Variants in ZNF254 observed in about 807,000 individuals in gnomAD.
The protein encoded by ZNF254 is zinc finger protein 254.
ZNF254 carries 10 observed loss-of-function variants against 12.4 expected under a neutral mutation model. The ratio of observed to expected loss-of-function variants is 0.80; its 90% CI spans 0.50 to 1.36. The LOEUF is 1.36. ZNF254 is among the 40% of genes most tolerant of loss of function. The pLI is 0.00. For missense variants in ZNF254, 996 were observed against 763.9 expected (o/e 1.30, Z -3.58); for synonymous variants, 305 against 253.4 (o/e 1.20, Z -1.93).
At chr19:24,102,883 T>C (rs1973116719) in intron 1 of ZNF254, among the ~76,000 whole-genome samples, 1 of 152,174 alleles carries the variant, frequency 6.6e-6, no homozygotes, top group Admixed American at 6.5e-5. Flanking sequence ...TTTTATTCCA[T>C]GCATTTTAAA....
intron 3 of ZNF254, among the ~76,000 whole-genome samples, chr19:24,113,802 AAATC>A (rs1341589081): frequency 6.6e-6 from 1 of 152,186 alleles, no homozygotes; most frequent in Non-Finnish European, 1.5e-5. Flanking sequence ...TCTCAACCCA[AAATC>A]TCCTTAAGCT....
intron 3 of ZNF254, among the ~76,000 whole-genome samples, chr19:24,110,411 C>G (rs2198983): frequency 1.3e-3 from 200 of 151,198 alleles, no homozygotes; most frequent in Non-Finnish European, 2.7e-3. Flanking sequence ...CATTTTTTTT[C>G]TAAGAAATAG....
intron 1 of ZNF254, among the ~76,000 whole-genome samples, chr19:24,096,059 CTTTT>C (rs200037759): frequency 9.0e-5 from 11 of 121,632 alleles, no homozygotes; most frequent in African/African-American, 3.3e-4. Flanking sequence ...TTTTTTAGTT[CTTTT>C]TTTTTTTTTT....
At chr19:24,067,867 C>T (rs1971334821) in intron 2 of ZNF254, among the ~76,000 whole-genome samples, 1 of 152,132 alleles carries the variant, frequency 6.6e-6, no homozygotes, top group African/African-American at 2.4e-5. Flanking sequence ...TAAGCCCTGG[C>T]CACAAGAGTA....
chr19:24,086,668 G>A (rs1440846133), upstream of ZNF254, among the ~76,000 whole-genome samples: 1 of 152,018 alleles, frequency 6.6e-6, no homozygotes, highest in East Asian at 1.9e-4. Context: ...GTAGAGATGA[G>A]GTTTCACCAT....
rs1230488772 is a variant in ZNF254 at position 24,128,502 on chromosome 19, A to C, written c.*522A>C. 6.6e-6 allele frequency: 1 copy of C among 152,186 alleles called. No homozygotes were observed. The highest frequency in any genetic ancestry group is 6.6e-5 in the Admixed American group (1 of 15,266). The allele number at this position is 152,186 out of a possible 1,614,324, so 9.4% of individuals were successfully genotyped here. On this transcript the variant is annotated 3_prime_UTR_variant, in exon 4 of 4. Coordinates refer to ENST00000357002, the MANE Select transcript of ZNF254 (RefSeq NM_203282.4). ...TATCTTTACTTGTACCACAGATCTT[A>C]TTGTACACATTTTATACTAGAGAAA...
At chr19:24,105,027 A>G (rs1973250989) in intron 1 of ZNF254, 1 of 152,250 alleles carries the variant, frequency 6.6e-6, no homozygotes, top group African/African-American at 2.4e-5. Context: ...ATGTTTTCTT[A>G]TGATTAAATT....
chr19:24,066,184 A>C (rs1971263315), intron 2 of ZNF254: 1 of 152,138 alleles, frequency 6.6e-6, no homozygotes, highest in East Asian at 1.9e-4. Context: ...CCCTGCCTAC[A>C]CAGAAAGTTG....
intron 1 of ZNF254, among the ~76,000 whole-genome samples, chr19:24,100,808 T>TA (rs1972977308): frequency 6.6e-6 from 1 of 151,250 alleles, no homozygotes; most frequent in Non-Finnish European, 1.5e-5. Flanking sequence ...ACTGTCTACT[T>TA]ATATTCATGT....
chr19:24,126,361 C>T lies in ZNF254; in HGVS notation c.361C>T (p.Gln121Ter), dbSNP rs908779809. ...TGGAAAATATGGACATGAGAATTTA[C>T]AGTTAAGAAAAGGCTGTAAAAGTGT... ...RYGKYGHENL[Q>*]LRKGCKSVDE... Residue 121 changes from glutamine to a stop codon, truncating the protein, a stop_gained, in exon 4 of 4, where the codon CAG becomes TAG. Transcript: ENST00000357002. LOFTEE classifies it low-confidence loss of function (END_TRUNC). 2 of 1,608,736 alleles carry T rather than the reference C, an allele frequency of 1.2e-6. No individual in the cohort carries two copies. Among genetic ancestry groups the T allele is most frequent in the Admixed American group, 1.7e-5 (1 of 59,232 alleles).
chr19:24,115,165 C>A (rs1274467935), intron 3 of ZNF254, among the ~76,000 whole-genome samples: 1 of 151,998 alleles, frequency 6.6e-6, no homozygotes, highest in Non-Finnish European at 1.5e-5. Flanking sequence ...CCCACCCAAC[C>A]CATTACTGGG....
At chr19:24,091,862 A>C (rs1386133876) in intron 1 of ZNF254, 1 of 980,342 alleles carries the variant, frequency 1.0e-6, no homozygotes, top group Non-Finnish European at 1.2e-6. Flanking sequence ...TACCTCCTAG[A>C]AGTGTTCCTA....
chr19:24,118,663 T>C (rs940802746), intron 3 of ZNF254, among the ~76,000 whole-genome samples: 8 of 151,980 alleles, frequency 5.3e-5, no homozygotes, highest in African/African-American at 1.9e-4. Context: ...GCCTTATCCC[T>C]CTATTAAATG....
chr19:24,047,322 A>C (rs1414987375), intron 2 of ZNF254, among the ~76,000 whole-genome samples: 1 of 143,658 alleles, frequency 7.0e-6, no homozygotes, highest in Non-Finnish European at 1.5e-5. Flanking sequence ...TTCCTTGTAG[A>C]ACTTGGTTTA....
At chr19:24,125,978 A>G (rs941686090) in intron 3 of ZNF254, among the ~76,000 whole-genome samples, 1 of 152,226 alleles carries the variant, frequency 6.6e-6, no homozygotes, top group Admixed American at 6.5e-5. Context: ...TGTATTGAGT[A>G]AATTTAACAG....
At chr19:24,105,028 T>C (rs1263032737) in intron 1 of ZNF254, 1 of 152,238 alleles carries the variant, frequency 6.6e-6, no homozygotes, top group African/African-American at 2.4e-5. Context: ...TGTTTTCTTA[T>C]GATTAAATTC....
exon 2 of ZNF254, chr19:24,046,232 A>G (rs60391135): frequency 0.16 from 24,134 of 151,750 alleles, 2,064 homozygotes; most frequent in Middle Eastern, 0.23. Context: ...GAGGGAAAGA[A>G]AGAGCCCTGG....
rs1345940205 is a variant in ZNF254, at chr19:24,062,102, AG to A, written c.-94+15824del. On this transcript the variant is annotated intron_variant, in intron 2 of 4. Transcript: ENST00000613065. ...CTCTGTCTCACAAAAAAAAAAAAAA[AG>A]AAAAAGAAAAAGGAGTAAAATCCTG... Among the ~76,000 whole-genome samples the A allele has an allele frequency of 1.6e-3, 119 of 76,170 alleles. 1 individual carries two copies. Among genetic ancestry groups the A allele is most frequent in the African/African-American group, 4.0e-3 (51 of 12,678 alleles). 50.0% of individuals were successfully genotyped at this position (76,170 alleles called of 152,430 possible). A position where few individuals can be genotyped will look rare whatever the true frequency, so the allele number is the denominator to read the frequency against.
upstream of ZNF254, among the ~76,000 whole-genome samples, chr19:24,082,487 A>C (rs1375311758): frequency 1.1e-4 from 13 of 117,612 alleles, no homozygotes; most frequent in African/African-American, 3.7e-4. Flanking sequence ...TATACTAAAA[A>C]AAAAAAAAAA....
Sources: allele counts gnomAD v4.1 joint callset (sites outside exome capture counted in the v4.1 genomes callset), GRCh38; gene constraint gnomAD v4.1.1; transcripts MANE v1.5; gene names NCBI Gene and HGNC (gene_info 2026-07-23, HGNC 2026-07-21).